Variants in GIPR observed in about 807,000 individuals in gnomAD.
GIPR encodes GIP-R.
A neutral mutation model predicts 62.2 loss-of-function variants in GIPR; 74 were observed. The ratio of observed to expected loss-of-function variants is 1.19; its 90% CI spans 0.99 to 1.44. The LOEUF (loss-of-function observed/expected upper bound fraction) is 1.44, where lower values mean the gene tolerates loss of function less well. Ranked by LOEUF, GIPR falls within the 40% of genes most tolerant of loss-of-function variation. The pLI, the probability that GIPR is intolerant of heterozygous loss-of-function variation, is 0.00. For missense variants in GIPR, 664 were observed against 611.8 expected, an observed-to-expected ratio of 1.09 and a Z score of -0.90; for synonymous variants, 256 against 262.2, an observed-to-expected ratio of 0.98 and a Z score of 0.23.
intron 7 of GIPR, chr19:45,675,050 T>C (rs747122931): frequency 1.0e-5 from 6 of 575,554 alleles, no homozygotes; most frequent in Non-Finnish European, 3.2e-6. Flanking sequence ...ATCACTCCCA[T>C]ACTGGAATTT....
rs767888839 is a variant in GIPR at position 45,669,545 on chromosome 19, C to T, written c.25C>T (p.Leu9=). The T allele has an allele frequency of 1.9e-6, 3 of 1,581,352 alleles. No homozygotes were observed. The highest frequency in any genetic ancestry group is 2.6e-6 in the Non-Finnish European group (3 of 1,166,608). The change falls in exon 2 of 14, where the codon CTG becomes TTG. Residue 9 remains leucine, a synonymous_variant. Coordinates refer to ENST00000590918, the MANE Select transcript of GIPR (RefSeq NM_000164.4). ...GATGACTACCTCTCCGATCCTGCAGCTGCTGCTGCGGCTCTCACTGTGCGG... is the reference window on the plus strand; with the variant it reads ...GATGACTACCTCTCCGATCCTGCAGTTGCTGCTGCGGCTCTCACTGTGCGG... MTTSPILQ[L]LLRLSLCGLL...
chr19:45,674,245 G>A (rs1975712993), intron 6 of GIPR, 68 bp downstream of exon 6: 1 of 1,020,614 alleles, frequency 9.8e-7, no homozygotes, highest in African/African-American at 1.6e-5. Context: ...CAGTAAGATG[G>A]GGTGGTCTGT....
At chr19:45,675,045 T>C (rs772357627) in intron 7 of GIPR, 3 of 594,926 alleles carry the variant, frequency 5.0e-6, no homozygotes, top group South Asian at 3.9e-5. Context: ...AGCCTATCAC[T>C]CCCATACTGG....
At position 45,681,634 on chromosome 19, in the gene GIPR, A is replaced by G; in HGVS notation, c.1183A>G (p.Ile395Val). 1.2e-6 allele frequency: 2 copies of G among 1,613,862 alleles called. No homozygotes were observed. Among genetic ancestry groups the G allele is most frequent in the Non-Finnish European group, 1.7e-6 (2 of 1,179,920 alleles). ...CCTGGTCAGCGTCCTCTACTGCTTC[A>G]TCAACAAGGAGGTAGGCAGAGACCC... ...GFLVSVLYCF[I>V]NKEVQSEIRR... is the part of the protein sequence containing the mutation. Residue 395 changes from isoleucine to valine, a missense_variant, in exon 13 of 14, where the codon ATC (isoleucine) becomes GTC (valine). Physicochemically the swap from Ile to Val is conservative, Grantham distance 29. Transcript: ENST00000590918.
rs1975422495 is a variant in GIPR at position 45,669,476 on chromosome 19, G to A, written c.-44-1G>A. On this transcript the variant is annotated splice_acceptor_variant, in intron 1 of 13. Coordinates refer to ENST00000590918, the MANE Select transcript of GIPR (RefSeq NM_000164.4). LOFTEE classifies it low-confidence loss of function (5UTR_SPLICE). Reference sequence around the variant, plus strand: ...GCTGACCTTGCCCTGGGACCCTCCAGGCCTGATCGCCCCTGCACGAACCAG... The same window carrying A: ...GCTGACCTTGCCCTGGGACCCTCCAAGCCTGATCGCCCCTGCACGAACCAG... 6.5e-7 allele frequency: 1 copy of A among 1,549,126 alleles called. No homozygotes were observed. The highest frequency in any genetic ancestry group is 8.7e-7 in the Non-Finnish European group (1 of 1,150,296).
chr19:45,669,336 G>A lies in GIPR; in HGVS notation c.-44-141G>A. On this transcript the variant is annotated intron_variant, in intron 1 of 13. Transcript: ENST00000590918. ...CCAGATCATCACGCCTGGGAGTTGC[G>A]GGAGCGGGTGCGCTGCCTCGGAGTC... 23 of 766,092 alleles carry A rather than the reference G, an allele frequency of 3.0e-5. No individual in the cohort carries two copies. In the South Asian group the frequency reaches 3.7e-4, roughly 12 times the overall value. 47.5% of individuals were successfully genotyped at this position (766,092 alleles called of 1,614,324 possible).
intron 12 of GIPR, among the ~76,000 whole-genome samples, chr19:45,681,015 C>T (rs1032469983): frequency 1.3e-5 from 2 of 152,088 alleles, no homozygotes; most frequent in Admixed American, 6.6e-5. Flanking sequence ...GTCCAGGGAG[C>T]CCACCTCCAG....
intron 7 of GIPR, 46 bp downstream of exon 7, chr19:45,674,872 T>C (rs368457242): frequency 1.3e-6 from 2 of 1,583,964 alleles, no homozygotes; most frequent in Non-Finnish European, 1.7e-6. Flanking sequence ...CTTGCTTCTC[T>C]GGTGGGACCA....
chr19:45,673,996 C>T (rs933915711), intron 5 of GIPR, 78 bp from the exon 6 acceptor site: 14 of 840,900 alleles, frequency 1.7e-5, no homozygotes, highest in Admixed American at 1.0e-4. Context: ...AAACAAAGAG[C>T]AGAGGTCCTT....
rs780240463 is a variant in GIPR at position 45,678,177 on chromosome 19, C to G, written c.1103C>G (p.Ala368Gly). The stretch of plus-strand genomic sequence containing the variant: ...GTGACAGAGGAACAGGCCCGGGGCG[C>G]CCTGCGCTTCGCCAAGCTCGGCTTT... ...APVTEEQARG[A>G]LRFAKLGFEI... The change falls in exon 12 of 14, where the codon GCC (alanine) becomes GGC (glycine). Residue 368 changes from alanine (A) to glycine (G), a missense_variant. Transcript: ENST00000590918. 6.9e-6 allele frequency: 11 copies of G among 1,597,506 alleles called. No homozygotes were observed. The Admixed American group carries it at 1.9e-4, about 28-fold the overall frequency.
chr19:45,677,873 C>G, intron 10 of GIPR, 33 bp from the exon 11 acceptor site: 1 of 1,606,004 alleles, frequency 6.2e-7, no homozygotes, highest in East Asian at 2.2e-5. Flanking sequence ...AGAATGGGAT[C>G]GCGGCTGGCT....
chr19:45,670,597 G>A (rs762274596), intron 2 of GIPR, 38 bp from the exon 3 acceptor site: 16 of 1,436,482 alleles, frequency 1.1e-5, no homozygotes, highest in Non-Finnish European at 1.6e-5. Flanking sequence ...GGGAGCGGGG[G>A]TCGGTCTGGG....
intron 8 of GIPR, 27 bp from the exon 9 acceptor site, chr19:45,677,295 TG>T (rs955667426): frequency 1.5e-5 from 14 of 914,808 alleles, no homozygotes; most frequent in East Asian, 4.3e-5. Flanking sequence ...TGCGGCGGGG[TG>T]GGGGGGCGGG....
At chr19:45,673,816 A>G (rs954515957) in intron 5 of GIPR, among the ~76,000 whole-genome samples, 17 of 151,856 alleles carry the variant, frequency 1.1e-4, no homozygotes, top group African/African-American at 2.9e-4. Flanking sequence ...GGGAACCATG[A>G]TCCTGCCAGA....
At chr19:45,680,745 C>T (rs894622087) in intron 12 of GIPR, among the ~76,000 whole-genome samples, 4 of 148,118 alleles carry the variant, frequency 2.7e-5, no homozygotes, top group African/African-American at 7.5e-5. Flanking sequence ...TCAGGAGAAT[C>T]GCTTGAACCT....
chr19:45,672,957 AAGAAG>A lies in GIPR; in HGVS notation c.384+6_384+10del, dbSNP rs761331085. The A allele has an allele frequency of 6.5e-7, 1 of 1,542,558 alleles. No homozygotes were observed. Among genetic ancestry groups the A allele is most frequent in the South Asian group, 1.1e-5 (1 of 89,730 alleles). ...CAGAGAAGAATGAGGCCTTTCTGGT[AAGAAG>A]AGGTGAGGGCTTCAGGTTAGGAGTC... On this transcript the variant is annotated splice_donor_5th_base_variant and intron_variant, in intron 5 of 13. Coordinates refer to ENST00000590918, the MANE Select transcript of GIPR (RefSeq NM_000164.4).
At chr19:45,669,408 C>A (rs1331060125) in intron 1 of GIPR, 69 bp from the exon 2 acceptor site, 7 of 1,461,288 alleles carry the variant, frequency 4.8e-6, no homozygotes, top group Non-Finnish European at 5.5e-6. Flanking sequence ...GTGTGAATCC[C>A]TGAGGCGGGG....
At chr19:45,676,201 TAAAA>T (rs34622373) in intron 7 of GIPR, among the ~76,000 whole-genome samples, 7 of 114,534 alleles carry the variant, frequency 6.1e-5, no homozygotes, top group Admixed American at 9.6e-5. Context: ...AGGCTCCGTC[TAAAA>T]AAAAAAAAAA....
intron 4 of GIPR, among the ~76,000 whole-genome samples, chr19:45,672,424 A>C (rs1298145435): frequency 6.6e-6 from 1 of 151,940 alleles, no homozygotes; most frequent in Non-Finnish European, 1.5e-5. Context: ...CTCCTGCCTC[A>C]GCCTCCTGAG....
Sources: gnomAD v4.1 joint callset for allele counts (sites outside exome capture counted in the v4.1 genomes callset) on GRCh38, gnomAD v4.1.1 for gene constraint, MANE v1.5 for transcripts, NCBI Gene and HGNC (gene_info 2026-07-23, HGNC 2026-07-21) for gene names.